The following CCDC180 variants were observed in gnomAD, a reference collection of about 807,000 sequenced individuals.
CCDC180 encodes coiled-coil domain-containing protein 180.
A neutral mutation model predicts 209.2 loss-of-function variants in CCDC180; 154 were observed. The observed-to-expected ratio is 0.74, with a 90% CI of 0.65 to 0.84. The LOEUF (loss-of-function observed/expected upper bound fraction) is 0.84. CCDC180 is among the 40% of genes least tolerant of loss of function. The pLI is 0.00. For synonymous variants in CCDC180, 778 were observed against 749.1 expected, an observed-to-expected ratio of 1.04 and a Z score of -0.63; for missense variants, 1,874 against 1,997.3, an observed-to-expected ratio of 0.94 and a Z score of 1.18.
Position 97,349,117 on chromosome 9 carries a change from T to A in CCDC180, c.2681T>A (p.Leu894His). The change falls in exon 21 of 37, where the codon CTT becomes CAT. Residue 894 changes from leucine (L) to histidine (H), a missense_variant. Transcript: ENST00000529487. ...KDIHNVRAAE[L>H]LLHQEQLDSH... ...TCTCTTAATCCTTTTTCAGCCGAGC[T>A]TTTGCTTCATCAAGAGCAGTTGGAC... is the stretch of plus-strand genomic sequence containing the variant. The A allele has an allele frequency of 6.5e-7, 1 of 1,535,404 alleles. No individual in the cohort carries two copies. Among genetic ancestry groups the A allele is most frequent in the Non-Finnish European group, 8.7e-7 (1 of 1,146,536 alleles).
chr9:97,314,752 T>C (rs372488258), intron 7 of CCDC180, 24 bp downstream of exon 7: 1 of 1,608,342 alleles, frequency 6.2e-7, no homozygotes. Context: ...AGGTGGGCTG[T>C]GTGGTGACTG....
At chr9:97,345,276 C>T (rs1238593618) in intron 19 of CCDC180, among the ~76,000 whole-genome samples, 6 of 152,062 alleles carry the variant, frequency 3.9e-5, no homozygotes, top group East Asian at 1.9e-4. Flanking sequence ...GAGATAGAGC[C>T]GAAAGATACT....
rs1349074994 is a variant in CCDC180 at position 97,317,106 on chromosome 9, C to T, written c.837C>T (p.Ala279=). Residue 279 remains alanine (A), a synonymous_variant, in exon 9 of 37, where the codon GCC becomes GCT. Transcript: ENST00000529487. The stretch of plus-strand genomic sequence containing the variant: ...TGCTGGGCAACCGGAAGGCTCTCGC[C>T]CAGCTGTTTGTCAACCTGATGGAGT... The part of the protein sequence containing the change: ...YALLGNRKAL[A]QLFVNLMEST... The T allele has an allele frequency of 1.9e-6, 3 of 1,613,396 alleles. No homozygotes were observed. The highest frequency in any genetic ancestry group is 2.5e-6 in the Non-Finnish European group (3 of 1,179,888).
chr9:97,316,047 A>G (rs1183236913), intron 8 of CCDC180, among the ~76,000 whole-genome samples: 1 of 152,216 alleles, frequency 6.6e-6, no homozygotes, highest in Non-Finnish European at 1.5e-5. Context: ...TGGGAGGATA[A>G]TAAAAGAGGG....
intron 36 of CCDC180, chr9:97,375,892 T>G: frequency 2.8e-6 from 1 of 357,036 alleles, no homozygotes; most frequent in South Asian, 5.7e-5. Context: ...GGGAACATTG[T>G]CACCAGGCAC....
chr9:97,363,602 A>G (rs1202639503), intron 28 of CCDC180: 2 of 533,770 alleles, frequency 3.7e-6, no homozygotes, highest in South Asian at 2.8e-5. Flanking sequence ...ATTTTTTAGC[A>G]TAAGTATGTC....
At chr9:97,369,858 A>G (rs1182008690) in intron 31 of CCDC180, 64 bp from the exon 32 acceptor site, 3 of 1,570,902 alleles carry the variant, frequency 1.9e-6, no homozygotes, top group Non-Finnish European at 2.6e-6. Flanking sequence ...TGTTGTAGAG[A>G]TCGCCTCTGC....
chr9:97,365,367 C>A, intron 29 of CCDC180: 1 of 282,080 alleles, frequency 3.5e-6, no homozygotes, highest in Non-Finnish European at 6.8e-6. Context: ...ATCCCAAATC[C>A]ACCTGATTAG....
At chr9:97,362,107 G>A (rs894758312) in intron 27 of CCDC180, 89 bp from the exon 28 acceptor site, 2 of 1,519,422 alleles carry the variant, frequency 1.3e-6, no homozygotes, top group African/African-American at 2.8e-5. Context: ...ACGTGGCGCT[G>A]AGGACTAACT....
chr9:97,373,348 A>G (rs535759546), intron 34 of CCDC180: 67 of 152,364 alleles, frequency 4.4e-4, no homozygotes, highest in African/African-American at 1.6e-3. Flanking sequence ...AAAACAATAA[A>G]TGTTCATTCC....
In CCDC180 at chr9:97,378,466, A is replaced by G. The variant is rs1486140029; in HGVS notation, c.*1572A>G. The G allele has an allele frequency of 6.6e-6, 1 of 152,230 alleles. No individual in the cohort carries two copies. The highest frequency in any genetic ancestry group is 1.5e-5 in the Non-Finnish European group (1 of 68,036). 9.4% of individuals were successfully genotyped at this position (152,230 alleles called of 1,614,324 possible). A position where few individuals can be genotyped will look rare whatever the true frequency, so the allele number is the denominator to read the frequency against. Reference sequence around the variant, plus strand: ...TGCACACATACACAACTTGAGACCAACAGGTCACAGGACAGCACTTAACCT... The same window carrying G: ...TGCACACATACACAACTTGAGACCAGCAGGTCACAGGACAGCACTTAACCT... On this transcript the variant is annotated 3_prime_UTR_variant, in exon 37 of 37. Transcript: ENST00000529487.
At chr9:97,333,243 T>C (rs527986819) in intron 18 of CCDC180, among the ~76,000 whole-genome samples, 3 of 152,216 alleles carry the variant, frequency 2.0e-5, no homozygotes, top group Non-Finnish European at 4.4e-5. Context: ...ATTCGCTTTT[T>C]GATGTACTGT....
chr9:97,331,870 T>C (rs191119577), intron 18 of CCDC180, among the ~76,000 whole-genome samples: 203 of 152,370 alleles, frequency 1.3e-3, no homozygotes, highest in African/African-American at 4.3e-3. Flanking sequence ...CTGTTGATAG[T>C]TTCTTTTGCT....
At chr9:97,337,281 TATG>T (rs1258637909) in intron 18 of CCDC180, among the ~76,000 whole-genome samples, 1 of 152,256 alleles carries the variant, frequency 6.6e-6, no homozygotes, top group African/African-American at 2.4e-5. Flanking sequence ...GCCCATTCAG[TATG>T]ATACTGGCTG....
chr9:97,361,444 A>G (rs895031627), intron 26 of CCDC180, among the ~76,000 whole-genome samples: 7 of 152,230 alleles, frequency 4.6e-5, no homozygotes, highest in African/African-American at 1.7e-4. Flanking sequence ...GAGGGATCAT[A>G]TATGGCCTCT....
chr9:97,347,425 G>T lies in CCDC180; in HGVS notation c.2610G>T (p.Leu870=), dbSNP rs929518968. The part of the protein sequence containing the change: ...KINELDSELE[L]HLHLHQPRAQ... ...ATGAGCTGGATTCAGAACTGGAGCTGCATCTGCACCTGCACCAGCCAAGAG... is the reference window on the plus strand; with the variant it reads ...ATGAGCTGGATTCAGAACTGGAGCTTCATCTGCACCTGCACCAGCCAAGAG... The change falls in exon 20 of 37, where the codon CTG becomes CTT. Residue 870 remains leucine (L), a synonymous_variant. Transcript: ENST00000529487. 1.8e-5 allele frequency: 28 copies of T among 1,536,126 alleles called. No individual in the cohort carries two copies. The Admixed American group carries it at 4.1e-4, about 23-fold the overall frequency.
At chr9:97,331,510 T>A (rs987785817) in intron 18 of CCDC180, among the ~76,000 whole-genome samples, 2 of 152,044 alleles carry the variant, frequency 1.3e-5, no homozygotes, top group Admixed American at 1.3e-4. Context: ...TGGAATACAC[T>A]CCCACCAGCA....
chr9:97,342,356 G>A (rs1826111709), intron 18 of CCDC180, among the ~76,000 whole-genome samples: 2 of 152,158 alleles, frequency 1.3e-5, no homozygotes, highest in African/African-American at 4.8e-5. Flanking sequence ...GTTTCACCAT[G>A]TTTCCCAGGC....
intron 18 of CCDC180, among the ~76,000 whole-genome samples, chr9:97,339,538 G>C (rs1297223281): frequency 6.6e-6 from 1 of 152,202 alleles, no homozygotes; most frequent in Non-Finnish European, 1.5e-5. Context: ...CTGTTAGTCT[G>C]ATGGGCTTCC....
Sources: gnomAD v4.1 joint callset for allele counts (sites outside exome capture counted in the v4.1 genomes callset) on GRCh38, gnomAD v4.1.1 for gene constraint, MANE v1.5 for transcripts, NCBI Gene and HGNC (gene_info 2026-07-23, HGNC 2026-07-21) for gene names.